The following GPAT4 variants were observed in gnomAD, a reference collection of about 807,000 sequenced individuals.
The protein encoded by GPAT4 is 1-AGP acyltransferase 6.
Under a neutral mutation model 58.0 loss-of-function variants are expected in GPAT4, and 17 were observed. The ratio of observed to expected loss-of-function variants is 0.29; its 90% CI spans 0.20 to 0.44. GPAT4 has a LOEUF of 0.44. GPAT4 is among the 20% of genes least tolerant of loss of function. The probability of loss-of-function intolerance (pLI) is 1.00; values close to 1 mark genes in which losing one functional copy is unlikely to be tolerated. For synonymous variants in GPAT4, 204 were observed against 210.1 expected (o/e 0.97, Z 0.25); for missense variants, 377 against 574.5 (o/e 0.66, Z 3.51).
chr8:41,613,857 A>G (rs1281156246), intron 8 of GPAT4, among the ~76,000 whole-genome samples: 2 of 152,074 alleles, frequency 1.3e-5, no homozygotes, highest in African/African-American at 2.4e-5. Context: ...GTGAGACTTC[A>G]GTGAGCTATG....
intron 1 of GPAT4, among the ~76,000 whole-genome samples, chr8:41,579,061 A>G (rs1417514659): frequency 6.6e-6 from 1 of 152,182 alleles, no homozygotes; most frequent in Non-Finnish European, 1.5e-5. Flanking sequence ...AGCTCTCCTT[A>G]GTTTCATGTC....
chr8:41,581,153 A>G (rs750155647), intron 1 of GPAT4, among the ~76,000 whole-genome samples: 14 of 152,200 alleles, frequency 9.2e-5, no homozygotes, highest in Admixed American at 9.2e-4. Context: ...TCACTAAACC[A>G]TGTAATAGCG....
chr8:41,587,450 G>A (rs1802685677), intron 1 of GPAT4, among the ~76,000 whole-genome samples: 1 of 152,198 alleles, frequency 6.6e-6, no homozygotes, highest in African/African-American at 2.4e-5. Flanking sequence ...AGACGTTGAT[G>A]TTTGTTTTGA....
intron 4 of GPAT4, 42 bp downstream of exon 4, chr8:41,609,997 CCACG>C: frequency 6.4e-7 from 1 of 1,559,624 alleles, no homozygotes; most frequent in Non-Finnish European, 8.7e-7. Context: ...TGCTGCCACC[CCACG>C]TGGTGCACAG....
chr8:41,594,852 T>C (rs1476487458), intron 1 of GPAT4, among the ~76,000 whole-genome samples: 1 of 152,116 alleles, frequency 6.6e-6, no homozygotes, highest in Non-Finnish European at 1.5e-5. Flanking sequence ...GCCCAAACTT[T>C]TTTTTTAAAC....
chr8:41,586,023 A>G (rs1259332405), intron 1 of GPAT4, among the ~76,000 whole-genome samples: 3 of 152,254 alleles, frequency 2.0e-5, no homozygotes, highest in Non-Finnish European at 2.9e-5. Context: ...TATAGTCATC[A>G]ACAGAGTCAG....
At chr8:41,593,008 C>T (rs950960827) in intron 1 of GPAT4, among the ~76,000 whole-genome samples, 1 of 152,178 alleles carries the variant, frequency 6.6e-6, no homozygotes, top group African/African-American at 2.4e-5. Flanking sequence ...ACATTCATTT[C>T]CACACAGTCC....
At chr8:41,602,169 G>A (rs1803120925) in intron 2 of GPAT4, among the ~76,000 whole-genome samples, 1 of 152,186 alleles carries the variant, frequency 6.6e-6, no homozygotes, top group African/African-American at 2.4e-5. Context: ...TGCTCAGGCT[G>A]GTCTTGAACT....
In GPAT4 at chr8:41,612,224, C is replaced by T. The variant is rs1212555952; in HGVS notation, c.746C>T (p.Thr249Ile). 1 of 1,614,242 alleles carries T rather than the reference C, an allele frequency of 6.2e-7. No homozygotes were observed. Among genetic ancestry groups the T allele is most frequent in the Admixed American group, 1.7e-5 (1 of 60,024 alleles). ...GGTGGCATCTGTGTGGCCAATCATA[C>T]CTCACCGATCGATGTGATCATCTTG... The part of the protein sequence containing the change: ...RNGGICVANH[T>I]SPIDVIILAS... The change falls in exon 7 of 13, where the codon ACC becomes ATC. Residue 249 changes from threonine to isoleucine, a missense_variant. Physicochemically the swap from Thr to Ile is moderately conservative, Grantham distance 89 (BLOSUM62 -1). Coordinates refer to ENST00000396987, the MANE Select transcript of GPAT4 (RefSeq NM_178819.4).
chr8:41,594,957 C>G (rs1049871889), intron 1 of GPAT4, among the ~76,000 whole-genome samples: 9 of 151,852 alleles, frequency 5.9e-5, no homozygotes, highest in African/African-American at 1.5e-4. Context: ...GATAACCATT[C>G]TTTTCCAAAG....
intron 1 of GPAT4, among the ~76,000 whole-genome samples, chr8:41,584,311 C>G (rs1407135322): frequency 1.3e-5 from 2 of 152,144 alleles, no homozygotes; most frequent in Non-Finnish European, 2.9e-5. Flanking sequence ...ATTTGTCATT[C>G]CACTCCTAGG....
intron 2 of GPAT4, among the ~76,000 whole-genome samples, chr8:41,601,190 C>A (rs189750529): frequency 6.6e-6 from 1 of 151,880 alleles, no homozygotes; most frequent in African/African-American, 2.4e-5. Context: ...ACTCAGAGAG[C>A]GATCTGGAGA....
Position 41,624,705 on chromosome 8 carries a change from G to A in GPAT4, c.*3704G>A, listed in dbSNP as rs1319544923. On this transcript the variant is annotated 3_prime_UTR_variant, in exon 13 of 13. Coordinates refer to ENST00000396987, the MANE Select transcript of GPAT4 (RefSeq NM_178819.4). ...TCCCCCAGTCAATATGTCTCTCTCC[G>A]ATGGGAAAGTTAATAAATTTTGCTC... is the stretch of plus-strand genomic sequence containing the variant. The A allele has an allele frequency of 6.6e-6, 1 of 152,178 alleles. No homozygotes were observed. Among genetic ancestry groups the A allele is most frequent in the Admixed American group, 6.5e-5 (1 of 15,286 alleles). The allele number at this position is 152,178 out of a possible 1,614,324, so 9.4% of individuals were successfully genotyped here.
intron 2 of GPAT4, among the ~76,000 whole-genome samples, chr8:41,604,036 ATTTTT>A (rs66464170): frequency 1.4e-5 from 2 of 138,696 alleles, no homozygotes; most frequent in Admixed American, 7.2e-5. Context: ...ACACCTTTTA[ATTTTT>A]TTTTTTTTTT....
intron 1 of GPAT4, among the ~76,000 whole-genome samples, chr8:41,579,708 A>G (rs892968639): frequency 2.6e-5 from 4 of 152,060 alleles, no homozygotes; most frequent in African/African-American, 9.7e-5. Flanking sequence ...CGTGGTGGCA[A>G]GTACTTGTAT....
intron 7 of GPAT4, 50 bp from the exon 8 acceptor site, chr8:41,612,795 A>G: frequency 6.6e-7 from 1 of 1,506,174 alleles, no homozygotes; most frequent in Non-Finnish European, 9.2e-7. Flanking sequence ...GAGTGGGGAG[A>G]TTCGTGTGAA....
intron 12 of GPAT4, among the ~76,000 whole-genome samples, chr8:41,620,525 G>A (rs773108225): frequency 2.0e-5 from 3 of 152,168 alleles, no homozygotes; most frequent in Non-Finnish European, 1.5e-5. Flanking sequence ...GTTATGAGTC[G>A]ATATTTCTTA....
At chr8:41,593,981 A>G (rs559621180) in intron 1 of GPAT4, among the ~76,000 whole-genome samples, 6 of 152,334 alleles carry the variant, frequency 3.9e-5, no homozygotes, top group African/African-American at 1.2e-4. Context: ...GATGATTTTT[A>G]TACCAGATAA....
chr8:41,594,790 C>T (rs1387643197), intron 1 of GPAT4, among the ~76,000 whole-genome samples: 1 of 152,096 alleles, frequency 6.6e-6, no homozygotes. Context: ...TGTGATCTGC[C>T]CGCCTCGGCC....
Sources: allele counts gnomAD v4.1 joint callset (sites outside exome capture counted in the v4.1 genomes callset), GRCh38; gene constraint gnomAD v4.1.1; transcripts MANE v1.5; gene names NCBI Gene and HGNC (gene_info 2026-07-23, HGNC 2026-07-21).